The following AGMO variants were observed in gnomAD, a reference collection of about 807,000 sequenced individuals.
The protein encoded by AGMO is glyceryl-ether monooxygenase.
Under a neutral mutation model 60.2 loss-of-function variants are expected in AGMO, and 75 were observed. The observed-to-expected ratio is 1.25, with a 90% confidence interval of 1.03 to 1.51. AGMO has a LOEUF of 1.51. Ranked by LOEUF, AGMO falls within the 40% of genes most tolerant of loss-of-function variation. The pLI is 0.00. For missense variants in AGMO, 763 were observed against 525.5 expected, an observed-to-expected ratio of 1.45 and a Z score of -4.42; for synonymous variants, 261 against 177.1, an observed-to-expected ratio of 1.47 and a Z score of -3.76.
chr7:15,255,180 G>A (rs11770137), intron 12 of AGMO, among the ~76,000 whole-genome samples: 73,605 of 151,854 alleles, frequency 0.48, 18,117 homozygotes, highest in Admixed American at 0.55. Flanking sequence ...GACATAGGGA[G>A]GGGAACATCA....
intron 12 of AGMO, among the ~76,000 whole-genome samples, chr7:15,277,826 G>A (rs1184632940): frequency 6.6e-6 from 1 of 152,162 alleles, no homozygotes; most frequent in African/African-American, 2.4e-5. Context: ...GTTCAGTGCA[G>A]GCCCAGGTGG....
intron 3 of AGMO, among the ~76,000 whole-genome samples, chr7:15,497,959 T>C (rs554010940): frequency 2.6e-5 from 4 of 152,126 alleles, no homozygotes; most frequent in South Asian, 2.1e-4. Flanking sequence ...CATCATATCA[T>C]GCTTGATGGG....
At chr7:15,377,680 G>A (rs1345314822) in intron 10 of AGMO, among the ~76,000 whole-genome samples, 1 of 151,972 alleles carries the variant, frequency 6.6e-6, no homozygotes, top group Non-Finnish European at 1.5e-5. Flanking sequence ...TCAACAGTTG[G>A]ATATTTAGAC....
chr7:15,447,718 A>T (rs4132937), intron 3 of AGMO, among the ~76,000 whole-genome samples: 121,306 of 150,830 alleles, frequency 0.8, 49,653 homozygotes, highest in African/African-American at 0.88. Context: ...ACCTGGCTAA[A>T]TTTTTTTTTT....
intron 1 of AGMO, 151 bp from the exon 2 acceptor site, chr7:15,560,422 A>G (rs956816563): frequency 1.4e-6 from 1 of 698,398 alleles, no homozygotes; most frequent in Non-Finnish European, 2.2e-6. Flanking sequence ...TACTTCCTAC[A>G]CAGTGGTAAA....
intron 3 of AGMO, among the ~76,000 whole-genome samples, chr7:15,445,339 C>G (rs969532315): frequency 1.3e-5 from 2 of 152,130 alleles, no homozygotes; most frequent in African/African-American, 4.8e-5. Flanking sequence ...ACACATTAAA[C>G]TTCTATAATG....
chr7:15,394,012 G>T, intron 6 of AGMO, 101 bp downstream of exon 6: 1 of 698,234 alleles, frequency 1.4e-6, no homozygotes, highest in Middle Eastern at 3.0e-4. Flanking sequence ...TAAAATGTGT[G>T]CTGACTATAT....
At chr7:15,496,242 A>G (rs976376335) in intron 3 of AGMO, among the ~76,000 whole-genome samples, 1 of 152,170 alleles carries the variant, frequency 6.6e-6, no homozygotes, top group Admixed American at 6.5e-5. Flanking sequence ...GCAATTGACA[A>G]ACTAAAACTA....
At chr7:15,228,481 G>A (rs571614570) in intron 12 of AGMO, among the ~76,000 whole-genome samples, 2 of 152,090 alleles carry the variant, frequency 1.3e-5, no homozygotes, top group East Asian at 3.9e-4. Context: ...AAATGGGCTG[G>A]AGAAATAGTT....
chr7:15,338,363 GAGA>G (rs1484958073), intron 12 of AGMO, among the ~76,000 whole-genome samples: 2 of 152,080 alleles, frequency 1.3e-5, no homozygotes, highest in African/African-American at 4.8e-5. Flanking sequence ...TTTAACTGTA[GAGA>G]AGGACAATAT....
At chr7:15,163,799 C>A in the AGMO span, among the ~76,000 whole-genome samples, 1 of 151,148 alleles carries the variant, frequency 6.6e-6, no homozygotes, top group African/African-American at 2.4e-5. Flanking sequence ...TATTGTTGTG[C>A]CCTTGCCTGA....
intron 12 of AGMO, among the ~76,000 whole-genome samples, chr7:15,346,400 T>A (rs1295410986): frequency 6.6e-6 from 1 of 152,112 alleles, no homozygotes; most frequent in Non-Finnish European, 1.5e-5. Context: ...TCATGACACC[T>A]ACTTCCAACA....
At chr7:15,399,640 G>C (rs935015876) in intron 5 of AGMO, among the ~76,000 whole-genome samples, 1 of 152,082 alleles carries the variant, frequency 6.6e-6, no homozygotes, top group Non-Finnish European at 1.5e-5. Flanking sequence ...AAATGCTCTG[G>C]ACAATTTGTT....
chr7:15,475,269 T>C (rs1259416833), intron 3 of AGMO, among the ~76,000 whole-genome samples: 3 of 152,088 alleles, frequency 2.0e-5, no homozygotes, highest in African/African-American at 7.2e-5. Flanking sequence ...CTATTCACAA[T>C]AGCAAAGACT....
chr7:15,378,305 C>T (rs1025664375), intron 10 of AGMO, among the ~76,000 whole-genome samples: 3 of 151,924 alleles, frequency 2.0e-5, no homozygotes, highest in African/African-American at 2.4e-5. Context: ...TTTGAACACA[C>T]GCACAAAATA....
At chr7:15,520,391 A>G (rs893399757) in intron 3 of AGMO, among the ~76,000 whole-genome samples, 1 of 152,228 alleles carries the variant, frequency 6.6e-6, no homozygotes, top group African/African-American at 2.4e-5. Context: ...CCAACAGGAC[A>G]TACATTCTTC....
At chr7:15,440,917 T>C (rs1781538335) in intron 3 of AGMO, among the ~76,000 whole-genome samples, 1 of 152,224 alleles carries the variant, frequency 6.6e-6, no homozygotes, top group Non-Finnish European at 1.5e-5. Context: ...TTCCCATTTG[T>C]ATCCATCACC....
the AGMO span, among the ~76,000 whole-genome samples, chr7:15,145,864 A>G: frequency 6.6e-6 from 1 of 152,140 alleles, no homozygotes; most frequent in Non-Finnish European, 1.5e-5. Context: ...GAAAACTCTA[A>G]TTTCATCTTC....
chr7:15,136,466 T>C, the AGMO span, among the ~76,000 whole-genome samples: 1 of 151,634 alleles, frequency 6.6e-6, no homozygotes, highest in East Asian at 1.9e-4. Flanking sequence ...TCATCATTGC[T>C]TTAGCATTGG....
Sources: gnomAD v4.1 joint callset for allele counts (sites outside exome capture counted in the v4.1 genomes callset) on GRCh38, gnomAD v4.1.1 for gene constraint, MANE v1.5 for transcripts, NCBI Gene and HGNC (gene_info 2026-07-23, HGNC 2026-07-21) for gene names.